The following FNDC3A variants were observed in gnomAD, a reference collection of about 807,000 sequenced individuals.
FNDC3A encodes the protein fibronectin type-III domain-containing protein 3A.
In FNDC3A, 32 loss-of-function variants were observed where a neutral mutation model predicts 148.9. The ratio of observed to expected loss-of-function variants is 0.21; its 90% CI spans 0.16 to 0.29. FNDC3A has a LOEUF of 0.29. Ranked by LOEUF, FNDC3A falls within the 10% of genes least tolerant of loss-of-function variation. FNDC3A has a pLI of 1.00. For missense variants in FNDC3A, 1,191 were observed against 1,452.8 expected (o/e 0.82, Z 2.93); for synonymous variants, 472 against 473.6 (o/e 1.00, Z 0.04).
chr13:49,042,158 C>T (rs1470323744), intron 2 of FNDC3A, among the ~76,000 whole-genome samples: 2 of 152,110 alleles, frequency 1.3e-5, no homozygotes, highest in Non-Finnish European at 2.9e-5. Flanking sequence ...CCCCTAAATA[C>T]AACTTATATA....
intron 8 of FNDC3A, among the ~76,000 whole-genome samples, chr13:49,151,842 C>G (rs905542314): frequency 6.6e-6 from 1 of 152,058 alleles, no homozygotes; most frequent in Non-Finnish European, 1.5e-5. Context: ...GGTTTTCTGT[C>G]CTTGCGATAG....
chr13:49,077,166 C>T (rs879772897), intron 3 of FNDC3A, among the ~76,000 whole-genome samples: 18 of 152,258 alleles, frequency 1.2e-4, no homozygotes, highest in Non-Finnish European at 2.1e-4. Flanking sequence ...CCTAACTACT[C>T]GAGAGATAAG....
At chr13:49,013,346 T>A (rs997613087) in intron 2 of FNDC3A, among the ~76,000 whole-genome samples, 10 of 152,038 alleles carry the variant, frequency 6.6e-5, no homozygotes, top group African/African-American at 9.7e-5. Flanking sequence ...TAATGATATA[T>A]TTTTCCTTCA....
chr13:49,095,765 G>A (rs1297680053), intron 3 of FNDC3A, among the ~76,000 whole-genome samples: 2 of 151,930 alleles, frequency 1.3e-5, no homozygotes, highest in African/African-American at 2.4e-5. Context: ...CTAACCCAGG[G>A]GCAAACCTTT....
intron 3 of FNDC3A, among the ~76,000 whole-genome samples, chr13:49,096,705 T>C (rs1041888650): frequency 6.6e-6 from 1 of 152,168 alleles, no homozygotes; most frequent in Admixed American, 6.5e-5. Context: ...TTGACAGTTA[T>C]TTGAAAGACT....
Position 49,203,216 on chromosome 13 carries a change from C to G in FNDC3A, c.3214C>G (p.Pro1072Ala), listed in dbSNP as rs1886499991. 3.1e-6 allele frequency: 5 copies of G among 1,602,458 alleles called. No individual in the cohort carries two copies. The East Asian group carries it at 1.1e-4, about 36-fold the overall frequency. ...ICEITWECLQ[P>A]MKGDPVIYSL... ...TGAAATTACATGGGAGTGTTTACAGCCAATGAAAGGTGATCCAGTTATTTA... is the reference window on the plus strand; with the variant it reads ...TGAAATTACATGGGAGTGTTTACAGGCAATGAAAGGTGATCCAGTTATTTA... The change falls in exon 25 of 26, where the codon CCA becomes GCA. Residue 1072 changes from proline (P) to alanine (A), a missense_variant. Physicochemically the swap from Pro to Ala is conservative, Grantham distance 27. Transcript: ENST00000492622.
At chr13:49,046,052 C>T (rs1297570596) in intron 2 of FNDC3A, 3 of 163,390 alleles carry the variant, frequency 1.8e-5, no homozygotes, top group African/African-American at 7.2e-5. Context: ...CTCTGGGAAA[C>T]AATAACCTTT....
intron 2 of FNDC3A, among the ~76,000 whole-genome samples, chr13:49,062,184 G>A (rs576507960): frequency 2.0e-5 from 3 of 152,124 alleles, no homozygotes; most frequent in South Asian, 4.1e-4. Flanking sequence ...ACACCACCCA[G>A]GTACTCTAAA....
intron 1 of FNDC3A, among the ~76,000 whole-genome samples, chr13:48,994,689 A>C (rs1345816943): frequency 6.6e-6 from 1 of 152,082 alleles, no homozygotes; most frequent in East Asian, 1.9e-4. Flanking sequence ...GAGGCAGGAG[A>C]ATTGCTTGAA....
At chr13:49,106,705 C>T (rs1335130393) in intron 3 of FNDC3A, among the ~76,000 whole-genome samples, 1 of 144,780 alleles carries the variant, frequency 6.9e-6, no homozygotes, top group African/African-American at 2.6e-5. Context: ...TATTTTCTTC[C>T]TCTAGTGCCC....
chr13:49,009,890 A>G (rs1449373056), intron 2 of FNDC3A, among the ~76,000 whole-genome samples: 1 of 152,242 alleles, frequency 6.6e-6, no homozygotes, highest in Non-Finnish European at 1.5e-5. Context: ...AGTCTTTATT[A>G]GTACCTTCTT....
chr13:49,092,053 A>G (rs1008374148), intron 3 of FNDC3A, among the ~76,000 whole-genome samples: 17 of 152,206 alleles, frequency 1.1e-4, no homozygotes, highest in African/African-American at 4.1e-4. Flanking sequence ...CCAAAATCCT[A>G]GAGGTCTTTG....
chr13:49,081,342 C>T (rs946385691), intron 3 of FNDC3A, among the ~76,000 whole-genome samples: 4 of 152,150 alleles, frequency 2.6e-5, no homozygotes, highest in African/African-American at 9.7e-5. Flanking sequence ...TATGCTCTGG[C>T]TCCTTCAAAT....
At chr13:49,033,102 T>G (rs566043800) in intron 2 of FNDC3A, among the ~76,000 whole-genome samples, 2 of 152,314 alleles carry the variant, frequency 1.3e-5, no homozygotes, top group East Asian at 3.9e-4. Flanking sequence ...CTTGTTTCTT[T>G]TATATATACA....
intron 3 of FNDC3A, among the ~76,000 whole-genome samples, chr13:49,083,465 G>T (rs542836366): frequency 3.5e-4 from 53 of 152,194 alleles, no homozygotes; most frequent in African/African-American, 1.2e-3. Context: ...AAAACAGATG[G>T]TGGTGTATGC....
At chr13:48,977,062 T>G (rs1267868513) in intron 1 of FNDC3A, 1 of 152,226 alleles carries the variant, frequency 6.6e-6, no homozygotes, top group Non-Finnish European at 1.5e-5. Flanking sequence ...ATGCGATGAT[T>G]TGCTGGGGGT....
At chr13:48,985,990 G>A (rs1186077653) in intron 1 of FNDC3A, among the ~76,000 whole-genome samples, 1 of 152,198 alleles carries the variant, frequency 6.6e-6, no homozygotes, top group Non-Finnish European at 1.5e-5. Flanking sequence ...ATTTTTAATA[G>A]CACTTCCTTT....
intron 2 of FNDC3A, among the ~76,000 whole-genome samples, chr13:49,058,095 C>G (rs1034269328): frequency 6.6e-6 from 1 of 152,074 alleles, no homozygotes; most frequent in South Asian, 2.1e-4. Flanking sequence ...CCTCAGACAC[C>G]GAGTTAAAGA....
At chr13:48,992,937 C>G (rs1456790586) in intron 1 of FNDC3A, among the ~76,000 whole-genome samples, 1 of 152,072 alleles carries the variant, frequency 6.6e-6, no homozygotes, top group Non-Finnish European at 1.5e-5. Flanking sequence ...CTGCCATTTC[C>G]CAGGAGTATT....
Sources: allele counts gnomAD v4.1 joint callset (sites outside exome capture counted in the v4.1 genomes callset), GRCh38; gene constraint gnomAD v4.1.1; transcripts MANE v1.5; gene names NCBI Gene and HGNC (gene_info 2026-07-23, HGNC 2026-07-21).